The following SYNE1 variants were observed in gnomAD, a reference collection of about 807,000 sequenced individuals.
The protein encoded by SYNE1 is nesprin-1.
A neutral mutation model predicts 1,111.0 loss-of-function variants in SYNE1; 616 were observed. The observed-to-expected ratio is 0.55, with a 90% CI of 0.52 to 0.59. The LOEUF (loss-of-function observed/expected upper bound fraction) is 0.59, where lower values mean the gene tolerates loss of function less well. SYNE1 is among the 20% of genes least tolerant of loss of function. The pLI is 0.00. For missense variants in SYNE1, 10,006 were observed against 10,417.0 expected (o/e 0.96, Z 1.72); for synonymous variants, 3,855 against 3,825.8 (o/e 1.01, Z -0.28).
At chr6:152,589,950 A>T (rs1397360756) in intron 3 of SYNE1, among the ~76,000 whole-genome samples, 2 of 142,472 alleles carry the variant, frequency 1.4e-5, no homozygotes. Context: ...TTTTTTTTTT[A>T]AAGACAGGGT....
Position 152,435,972 on chromosome 6 carries a change from C to G in SYNE1, c.4279G>C (p.Val1427Leu). The part of the protein sequence containing the change: ...QQQAKSIKEQ[V>L]KKLEDTLEED... Reference sequence around the variant, plus strand: ...TCAAGCGTGTCTTCTAATTTTTTGACTTGTTCTTTGATTGACTTGGCCTGC... The same window carrying G: ...TCAAGCGTGTCTTCTAATTTTTTGAGTTGTTCTTTGATTGACTTGGCCTGC... The change falls in exon 33 of 146, where the codon GTC (valine) becomes CTC (leucine). Residue 1427 changes from valine (V) to leucine (L), a missense_variant. Transcript: ENST00000367255. 1 of 1,614,100 alleles carries G rather than the reference C, an allele frequency of 6.2e-7. No individual in the cohort carries two copies. Among genetic ancestry groups the G allele is most frequent in the Non-Finnish European group, 8.5e-7 (1 of 1,179,996 alleles).
intron 115 of SYNE1, among the ~76,000 whole-genome samples, chr6:152,226,337 G>A (rs1391482079): frequency 3.3e-5 from 5 of 149,870 alleles, no homozygotes; most frequent in Admixed American, 2.0e-4. Context: ...CCAAAGCTGA[G>A]TCACTTTGGG....
At position 152,463,526 on chromosome 6, in the gene SYNE1, T is replaced by C; in HGVS notation, c.1933-9A>G. 1 of 1,606,740 alleles carries C rather than the reference T, an allele frequency of 6.2e-7. No individual in the cohort carries two copies. The stretch of plus-strand genomic sequence containing the variant: ...AAATTTCGAAAAAAATCCTAAACAA[T>C]AAATAATGCACAATATCATAAACCA... On this transcript the variant is annotated splice_polypyrimidine_tract_variant and intron_variant, in intron 18 of 145. Coordinates refer to ENST00000367255, the MANE Select transcript of SYNE1 (RefSeq NM_182961.4).
chr6:152,132,327 A>G, intron 143 of SYNE1, 113 bp from the exon 144 acceptor site: 1 of 931,882 alleles, frequency 1.1e-6, no homozygotes, highest in Non-Finnish European at 1.7e-6. Context: ...TCTCCACCAT[A>G]AAAATCAAAC....
intron 3 of SYNE1, among the ~76,000 whole-genome samples, chr6:152,577,516 G>A (rs953332678): frequency 1.3e-5 from 2 of 151,870 alleles, no homozygotes; most frequent in African/African-American, 4.8e-5. Context: ...GCCTGTAGTC[G>A]CAGCTACTCG....
intron 3 of SYNE1, among the ~76,000 whole-genome samples, chr6:152,602,004 C>T (rs981156333): frequency 6.6e-6 from 1 of 152,124 alleles, no homozygotes; most frequent in Non-Finnish European, 1.5e-5. Flanking sequence ...AGTGCCTGTG[C>T]TCCTTTGATG....
intron 93 of SYNE1, among the ~76,000 whole-genome samples, chr6:152,295,001 T>C (rs2094799734): frequency 6.6e-6 from 1 of 152,150 alleles, no homozygotes; most frequent in African/African-American, 2.4e-5. Flanking sequence ...AATACCTGAG[T>C]CTTATTGAGA....
chr6:152,177,697 C>A (rs9479235), intron 129 of SYNE1, among the ~76,000 whole-genome samples: 3 of 152,084 alleles, frequency 2.0e-5, no homozygotes, highest in African/African-American at 7.2e-5. Flanking sequence ...AAGACCAATA[C>A]GTTGAATGTA....
At chr6:152,572,470 C>G (rs540822026) in intron 3 of SYNE1, among the ~76,000 whole-genome samples, 177 of 152,192 alleles carry the variant, frequency 1.2e-3, no homozygotes, top group African/African-American at 3.9e-3. Flanking sequence ...GGAAGAGCTT[C>G]AAAGCCAATA....
intron 91 of SYNE1, among the ~76,000 whole-genome samples, chr6:152,303,535 A>C (rs1392758174): frequency 6.6e-6 from 1 of 152,134 alleles, no homozygotes; most frequent in Non-Finnish European, 1.5e-5. Context: ...ACATATGTAC[A>C]CATAGTCATC....
At position 152,308,492 on chromosome 6, in the gene SYNE1, A is replaced by G. The variant is rs747552445; in HGVS notation, c.17343T>C (p.His5781=). 2 of 1,614,010 alleles carry G rather than the reference A, an allele frequency of 1.2e-6. No homozygotes were observed. The highest frequency in any genetic ancestry group is 1.1e-5 in the South Asian group (1 of 91,078). The change falls in exon 91 of 146, where the codon CAT becomes CAC. Residue 5781 remains histidine, a synonymous_variant. Transcript: ENST00000367255. ...IQELQAQISR[H]EELAQKIKGY... ...ATTTCGCCTACATTCCTCTCACCTC[A>G]TGCCGAGAAATCTGAGCCTGCAGCT...
intron 8 of SYNE1, among the ~76,000 whole-genome samples, chr6:152,506,356 A>G (rs952859279): frequency 6.6e-6 from 1 of 152,184 alleles, no homozygotes; most frequent in African/African-American, 2.4e-5. Flanking sequence ...CAATGGATAA[A>G]GTCATCTAGT....
intron 56 of SYNE1, among the ~76,000 whole-genome samples, chr6:152,377,231 G>C (rs1404446449): frequency 6.6e-6 from 1 of 152,066 alleles, no homozygotes. Context: ...TAAATAGTTG[G>C]ACTAGGCCAT....
In SYNE1 at chr6:152,373,216, AC is replaced by A; in HGVS notation, c.9327del (p.Glu3109AspfsTer13). ...TGTCCATTTTCACTTTCTGACAAAA[AC>A]TCCTATAAAAGAAAATATAGAATTA... is the stretch of plus-strand genomic sequence containing the variant. Reference protein sequence around the residue: ...EVSTSLQKIQEFLSESENGQH... With the variant: ...EVSTSLQKIQXFLSESENGQH... On this transcript the variant is annotated frameshift_variant and splice_region_variant, in exon 59 of 146. Transcript: ENST00000367255. LOFTEE classifies it high-confidence loss of function. 6.2e-7 allele frequency: 1 copy of A among 1,609,266 alleles called. No homozygotes were observed. The highest frequency in any genetic ancestry group is 1.1e-5 in the South Asian group (1 of 90,384).
At chr6:152,327,139 G>A (rs1241736405) in intron 78 of SYNE1, among the ~76,000 whole-genome samples, 1 of 151,848 alleles carries the variant, frequency 6.6e-6, no homozygotes, top group Non-Finnish European at 1.5e-5. Flanking sequence ...CTAAAAATAC[G>A]AAAATTAGCT....
chr6:152,199,140 C>A (rs2153345249), intron 127 of SYNE1, among the ~76,000 whole-genome samples: 1 of 152,250 alleles, frequency 6.6e-6, no homozygotes, highest in South Asian at 2.1e-4. Flanking sequence ...TGATTGCCTG[C>A]AGAATCTTTC....
At chr6:152,399,861 C>T (rs375102408) in intron 47 of SYNE1, 38 bp from the exon 48 acceptor site, 3 of 1,589,634 alleles carry the variant, frequency 1.9e-6, no homozygotes, top group South Asian at 1.1e-5. Flanking sequence ...ATATTCATAA[C>T]TTGAGAGAAA....
Position 152,140,053 on chromosome 6 carries a change from A to G in SYNE1, c.25355T>C (p.Ile8452Thr). ...WQQFNSDLNS[I>T]WAWLGDTEEE... Reference sequence around the variant, plus strand: ...CTCCGTGTCCCCCAGCCAGGCCCAGATGCTGTTCAAGTCTGAGTTAAACTG... The same window carrying G: ...CTCCGTGTCCCCCAGCCAGGCCCAGGTGCTGTTCAAGTCTGAGTTAAACTG... The change falls in exon 140 of 146, where the codon ATC (isoleucine) becomes ACC (threonine). Residue 8452 changes from isoleucine (I) to threonine (T), a missense_variant. Physicochemically the swap from Ile to Thr is moderately conservative, Grantham distance 89. Around this residue, in one of 7 missense-constraint regions of SYNE1, gnomAD observed 761 missense variants for 795.5 expected, o/e 0.96. Coordinates refer to ENST00000367255, the MANE Select transcript of SYNE1 (RefSeq NM_182961.4). 2 of 1,614,192 alleles carry G rather than the reference A, an allele frequency of 1.2e-6. No individual in the cohort carries two copies. The highest frequency in any genetic ancestry group is 4.5e-5 in the East Asian group (2 of 44,870).
chr6:152,405,461 C>T (rs1185584822), intron 45 of SYNE1, among the ~76,000 whole-genome samples: 1 of 152,014 alleles, frequency 6.6e-6, no homozygotes, highest in African/African-American at 2.4e-5. Context: ...AACCATGATA[C>T]AATAGATGTC....
Sources: gnomAD v4.1 joint callset for allele counts (sites outside exome capture counted in the v4.1 genomes callset) on GRCh38, gnomAD v4.1.1 for gene constraint, gnomAD v4.1.1 regional missense constraint, MANE v1.5 for transcripts, NCBI Gene and HGNC (gene_info 2026-07-23, HGNC 2026-07-21) for gene names.